The following KDM6A variants were observed in gnomAD, a reference collection of about 807,000 sequenced individuals.
KDM6A encodes lysine-specific demethylase 6A.
KDM6A carries 11 observed loss-of-function variants against 117.6 expected under a neutral mutation model. That is an observed-to-expected ratio of 0.09 (90% CI 0.06 to 0.15). The LOEUF (loss-of-function observed/expected upper bound fraction) is 0.15, where lower values mean the gene tolerates loss of function less well. Among genes scored for constraint, KDM6A ranks in the 10% least tolerant of loss-of-function variants. The pLI is 1.00. For missense variants in KDM6A, 799 were observed against 1,077.3 expected (o/e 0.74, Z 3.62); for synonymous variants, 384 against 396.1 (o/e 0.97, Z 0.36).
chrX:44,952,656 T>TA (rs1330233113), intron 2 of KDM6A, among the ~76,000 whole-genome samples: 1 of 112,288 alleles, frequency 8.9e-6, no homozygotes, highest in Admixed American at 9.4e-5. Context: ...GACAAATGTT[T>TA]AAGTTCCTTT....
chrX:45,036,412 A>T (rs1602661916), intron 7 of KDM6A, among the ~76,000 whole-genome samples: 1 of 112,456 alleles, frequency 8.9e-6, no homozygotes, highest in Non-Finnish European at 1.9e-5. Context: ...GAATTATGTC[A>T]TACTTTTACT....
chrX:45,104,576 C>T (rs927556951), intron 27 of KDM6A, among the ~76,000 whole-genome samples: 2 of 111,835 alleles, frequency 1.8e-5, no homozygotes, highest in Non-Finnish European at 3.8e-5. Context: ...TTTTCCCTAT[C>T]CTTCAATTGA....
chrX:45,068,086 G>A lies in KDM6A; in HGVS notation c.2080-1493G>A, dbSNP rs139556225. 1.4e-4 allele frequency among the ~76,000 whole-genome samples: 16 copies of A among 111,614 alleles called. No individual in the cohort carries two copies. The East Asian group carries it at 4.5e-3, about 31-fold the overall frequency. ...GCTGACTTTAACTAGATGATTAAAT[G>A]CACCTTTTAGTATATAAATATCTTG... On this transcript the variant is annotated intron_variant, in intron 17 of 29. Transcript: ENST00000611820.
intron 17 of KDM6A, among the ~76,000 whole-genome samples, chrX:45,066,241 CA>C (rs2044526886): frequency 9.0e-6 from 1 of 111,462 alleles, no homozygotes; most frequent in Admixed American, 9.6e-5. Context: ...ATAAAATCGG[CA>C]GAGAAAAACT....
chrX:44,952,904 G>T (rs913388193), intron 2 of KDM6A, among the ~76,000 whole-genome samples: 1 of 110,129 alleles, frequency 9.1e-6, no homozygotes, highest in Non-Finnish European at 1.9e-5. Flanking sequence ...TCAGCCTCCT[G>T]AGTAGCTGGG....
At chrX:45,018,080 A>G (rs1022414856) in intron 5 of KDM6A, among the ~76,000 whole-genome samples, 1 of 111,619 alleles carries the variant, frequency 9.0e-6, no homozygotes, top group Admixed American at 9.5e-5. Context: ...ATGGAGTTGA[A>G]TAAGTACTGC....
intron 8 of KDM6A, among the ~76,000 whole-genome samples, chrX:45,048,159 CAAAAAAAAA>C (rs571121737): frequency 2.9e-5 from 1 of 34,335 alleles, no homozygotes; most frequent in Non-Finnish European, 6.0e-5. Flanking sequence ...AAGTGCGTCT[CAAAAAAAAA>C]AAAAAAAAAA....
At chrX:44,917,058 G>T (rs1202408901) in intron 2 of KDM6A, among the ~76,000 whole-genome samples, 2 of 100,676 alleles carry the variant, frequency 2.0e-5, no homozygotes, top group African/African-American at 7.5e-5. Context: ...GTAGAGTTGC[G>T]CTCTGTTGCC....
intron 2 of KDM6A, among the ~76,000 whole-genome samples, chrX:44,916,419 G>T (rs1296887516): frequency 9.0e-6 from 1 of 111,068 alleles, no homozygotes; most frequent in Non-Finnish European, 1.9e-5. Context: ...AGGAAAGAAG[G>T]ATCTGTAGCA....
intron 3 of KDM6A, 93 bp from the exon 4 acceptor site, chrX:44,974,573 G>C: frequency 1.7e-6 from 1 of 603,568 alleles, no homozygotes; most frequent in East Asian, 3.3e-5. Flanking sequence ...ACTGGGAGGT[G>C]GGTGTGGTGG....
At chrX:45,074,990 TTTAA>T (rs1208556868) in intron 18 of KDM6A, among the ~76,000 whole-genome samples, 2 of 111,598 alleles carry the variant, frequency 1.8e-5, no homozygotes, top group Non-Finnish European at 3.8e-5. Flanking sequence ...AGGTGCCACA[TTTAA>T]TTAGTTTGAG....
In KDM6A at chrX:44,873,510, G is replaced by C; in HGVS notation, c.-42G>C. 8.3e-7 allele frequency: 1 copy of C among 1,204,484 alleles called. No individual in the cohort carries two copies. Among genetic ancestry groups the C allele is most frequent in the South Asian group, 1.8e-5 (1 of 56,712 alleles). On this transcript the variant is annotated 5_prime_UTR_variant, in exon 1 of 30. Coordinates refer to ENST00000611820, the MANE Select transcript of KDM6A (RefSeq NM_001291415.2). ...GGCGTCACTGCGGGCCCCGGTCCGA[G>C]GGGGGGTGTCGGCGTTGGAGTTGTG... is the stretch of plus-strand genomic sequence containing the variant.
chrX:45,053,814 A>C lies in KDM6A; in HGVS notation c.749-15A>C. The stretch of plus-strand genomic sequence containing the variant: ...TAAGTCATTTATGTAAATTTTTTTA[A>C]ATCATTTACTGTAGGTTGGATGCAT... On this transcript the variant is annotated splice_polypyrimidine_tract_variant and intron_variant, in intron 9 of 29. Coordinates refer to ENST00000611820, the MANE Select transcript of KDM6A (RefSeq NM_001291415.2). 1 of 1,170,393 alleles carries C rather than the reference A, an allele frequency of 8.5e-7. No homozygotes were observed. Among genetic ancestry groups the C allele is most frequent in the African/African-American group, 1.8e-5 (1 of 56,646 alleles).
intron 4 of KDM6A, among the ~76,000 whole-genome samples, chrX:44,988,700 A>T (rs759399528): frequency 9.0e-6 from 1 of 111,465 alleles, no homozygotes; most frequent in Non-Finnish European, 1.9e-5. Flanking sequence ...CCTGGGTATC[A>T]GCAGTGGTGG....
chrX:45,005,846 C>T (rs1450261860), intron 4 of KDM6A, among the ~76,000 whole-genome samples: 1 of 108,301 alleles, frequency 9.2e-6, no homozygotes, highest in Non-Finnish European at 1.9e-5. Context: ...GGAAATTTCT[C>T]ACCTTTTCTA....
intron 28 of KDM6A, among the ~76,000 whole-genome samples, chrX:45,109,488 A>G (rs1471575212): frequency 1.8e-5 from 2 of 111,972 alleles, no homozygotes; most frequent in African/African-American, 6.5e-5. Context: ...CAAAGACAGG[A>G]TGTTGATGGT....
chrX:45,078,256 G>A (rs1602921382), intron 19 of KDM6A, 144 bp from the exon 20 acceptor site: 2 of 533,394 alleles, frequency 3.7e-6, no homozygotes, highest in East Asian at 3.9e-5. Flanking sequence ...AAAAGTCACA[G>A]TGATAAGATA....
At chrX:45,061,481 T>C in intron 15 of KDM6A, 62 bp downstream of exon 15, 1 of 459,464 alleles carries the variant, frequency 2.2e-6, no homozygotes, top group African/African-American at 3.1e-5. Context: ...AAACAAGTAT[T>C]AATTTTTTTT....
At position 44,993,670 on chromosome X, in the gene KDM6A, A is replaced by G. The variant is rs371356023; in HGVS notation, c.385-17291A>G. Among the ~76,000 whole-genome samples the G allele has an allele frequency of 8.1e-5, 9 of 111,718 alleles. No individual in the cohort carries two copies. In the East Asian group the frequency reaches 2.5e-3, roughly 31 times the overall value. Reference sequence around the variant, plus strand: ...ATCACGAGGTCAAGAGATCGAGACCATCCTGGCCAACATGGTGAAACCCCG... The same window carrying G: ...ATCACGAGGTCAAGAGATCGAGACCGTCCTGGCCAACATGGTGAAACCCCG... On this transcript the variant is annotated intron_variant, in intron 4 of 29. Transcript: ENST00000611820.
Sources: gnomAD v4.1 joint callset for allele counts (sites outside exome capture counted in the v4.1 genomes callset) on GRCh38, gnomAD v4.1.1 for gene constraint, MANE v1.5 for transcripts, NCBI Gene and HGNC (gene_info 2026-07-23, HGNC 2026-07-21) for gene names.